CORIN: variants seen among roughly 807,000 people sequenced by gnomAD.
CORIN encodes the protein corin, serine peptidase.
Under a neutral mutation model 125.3 loss-of-function variants are expected in CORIN, and 117 were observed. That is an observed-to-expected ratio of 0.93 (90% CI 0.80 to 1.09). The LOEUF (loss-of-function observed/expected upper bound fraction) is 1.09. Ranked by LOEUF, CORIN falls within the 50% of genes least tolerant of loss-of-function variation. CORIN has a pLI of 0.00. For synonymous variants in CORIN, 450 were observed against 466.4 expected (o/e 0.96, Z 0.45); for missense variants, 1,253 against 1,306.7 (o/e 0.96, Z 0.63).
intron 1 of CORIN, 46 bp downstream of exon 1, chr4:47,837,841 G>A: frequency 2.0e-6 from 3 of 1,525,704 alleles, no homozygotes; most frequent in Non-Finnish European, 2.7e-6. Context: ...GGGACTAAGA[G>A]GCCATCACAC....
rs1397882030 is a variant in CORIN at position 47,706,808 on chromosome 4, C to T, written c.800-13725G>A. The T allele has an allele frequency of 3.4e-5, 54 of 1,598,042 alleles. No homozygotes were observed. The East Asian group carries it at 1.1e-3, about 34-fold the overall frequency. On this transcript the variant is annotated intron_variant, in intron 5 of 21. Transcript: ENST00000273857. ...ATTCCATAAAGCTATCAGAAGAAAT[C>T]CTGACACCCCATGGATCACCAAACC...
At position 47,674,373 on chromosome 4, in the gene CORIN, T is replaced by G. The variant is rs1368370441; in HGVS notation, c.1357+20A>C. 3.3e-6 allele frequency: 5 copies of G among 1,497,424 alleles called. No individual in the cohort carries two copies. The highest frequency in any genetic ancestry group is 4.7e-6 in the Non-Finnish European group (5 of 1,073,988). 92.8% of individuals were successfully genotyped at this position (1,497,424 alleles called of 1,614,324 possible). On this transcript the variant is annotated intron_variant, in intron 10 of 21. Transcript: ENST00000273857. The stretch of plus-strand genomic sequence containing the variant: ...GCATGCCCTGACATGGCTATTGCAT[T>G]TGTCAGCTGTTGTACTTACTACAGT...
At chr4:47,834,051 A>G (rs1242105236) in intron 1 of CORIN, among the ~76,000 whole-genome samples, 27 of 152,218 alleles carry the variant, frequency 1.8e-4, no homozygotes, top group Non-Finnish European at 1.0e-4. Context: ...ACCAGCATAC[A>G]GTATAGAACT....
chr4:47,680,243 G>T lies in CORIN; in HGVS notation c.1030C>A (p.Pro344Thr), dbSNP rs181074813. Residue 344 changes from proline (P) to threonine (T), a missense_variant, in exon 8 of 22, where the codon CCC becomes ACC. Transcript: ENST00000273857. ...LSDEQNCDCNPTTEHRCGDGR... is the reference protein window; with the variant it reads ...LSDEQNCDCNTTTEHRCGDGR... ...TCCCCGCAGCGATGCTCTGTTGTGG[G>T]ATTGCAATCTGGAGAAATGAAAACT... is the stretch of plus-strand genomic sequence containing the variant. 619 of 1,613,304 alleles carry T rather than the reference G, an allele frequency of 3.8e-4. No homozygotes were observed. The highest frequency in any genetic ancestry group is 4.7e-4 in the Non-Finnish European group (560 of 1,179,398).
At chr4:47,765,208 G>T (rs1383694025) in intron 3 of CORIN, among the ~76,000 whole-genome samples, 1 of 151,932 alleles carries the variant, frequency 6.6e-6, no homozygotes, top group Admixed American at 6.6e-5. Context: ...GGTGGCGGGA[G>T]GCTGAGGCAG....
intron 16 of CORIN, among the ~76,000 whole-genome samples, chr4:47,628,918 T>TGC (rs1343924666): frequency 3.9e-5 from 6 of 152,172 alleles, no homozygotes; most frequent in African/African-American, 1.4e-4. Flanking sequence ...AAATGTGGCA[T>TGC]CACATTTTCT....
intron 5 of CORIN, among the ~76,000 whole-genome samples, chr4:47,703,249 G>T (rs777010425): frequency 6.6e-6 from 1 of 152,032 alleles, no homozygotes; most frequent in African/African-American, 2.4e-5. Flanking sequence ...TGCAGCAGCC[G>T]GTAGTGACAG....
At chr4:47,670,709 G>A (rs927838908) in intron 10 of CORIN, among the ~76,000 whole-genome samples, 5 of 152,140 alleles carry the variant, frequency 3.3e-5, no homozygotes, top group African/African-American at 4.8e-5. Context: ...CCCAGGAGTC[G>A]CTTTTGCAGG....
intron 20 of CORIN, 38 bp from the exon 21 acceptor site, chr4:47,600,385 A>G (rs780456088): frequency 2.2e-5 from 33 of 1,494,054 alleles, no homozygotes; most frequent in Non-Finnish European, 2.8e-5. Context: ...ATATGATGAT[A>G]AAATGACTCA....
At chr4:47,758,150 G>A (rs1729275824) in intron 4 of CORIN, among the ~76,000 whole-genome samples, 3 of 151,706 alleles carry the variant, frequency 2.0e-5, no homozygotes, top group African/African-American at 7.3e-5. Context: ...TCCTGACCTC[G>A]TGATCTGCTC....
chr4:47,692,188 TTATA>T (rs1725803536), intron 6 of CORIN, among the ~76,000 whole-genome samples: 2 of 152,232 alleles, frequency 1.3e-5, no homozygotes, highest in Non-Finnish European at 2.9e-5. Flanking sequence ...CTGTGGCTGT[TTATA>T]TAACCCTTAA....
Position 47,807,024 on chromosome 4 carries a change from G to A in CORIN, c.87C>T (p.Asn29=). The change falls in exon 2 of 22, where the codon AAC becomes AAT. Residue 29 remains asparagine (N), a synonymous_variant. Coordinates refer to ENST00000273857, the MANE Select transcript of CORIN (RefSeq NM_006587.4). ...GCTTCTGAGAGCAGCCATTGCCCAT[G>A]TTATTGTCATCAGCTCTCAAGACCT... ...PKPVLRADDN[N]MGNGCSQKLA... is the part of the protein sequence containing the mutation. 6.2e-7 allele frequency: 1 copy of A among 1,613,490 alleles called. No homozygotes were observed.
chr4:47,697,683 C>A (rs986435725), intron 5 of CORIN, among the ~76,000 whole-genome samples: 6 of 151,904 alleles, frequency 3.9e-5, no homozygotes, highest in Non-Finnish European at 8.8e-5. Flanking sequence ...TGCCACTGTG[C>A]TCCAGCCTAG....
intron 5 of CORIN, among the ~76,000 whole-genome samples, chr4:47,720,210 T>C (rs776557810): frequency 2.6e-5 from 4 of 152,242 alleles, no homozygotes; most frequent in Non-Finnish European, 4.4e-5. Flanking sequence ...GGCTCTTTTA[T>C]TTTTATCACT....
In CORIN at chr4:47,838,018, C is replaced by G; in HGVS notation, c.-69G>C. ...TCGCTTTTCTCTCCTCTACGTGTCC[C>G]CCGGGGAGGCACTACGGATGATTTT... On this transcript the variant is annotated 5_prime_UTR_variant, in exon 1 of 22. Coordinates refer to ENST00000273857, the MANE Select transcript of CORIN (RefSeq NM_006587.4). The G allele has an allele frequency of 3.1e-6, 5 of 1,595,958 alleles. No individual in the cohort carries two copies. In the South Asian group the frequency reaches 3.3e-5, roughly 11 times the overall value.
chr4:47,782,623 T>C (rs1730608385), intron 3 of CORIN, among the ~76,000 whole-genome samples: 1 of 152,110 alleles, frequency 6.6e-6, no homozygotes, highest in African/African-American at 2.4e-5. Flanking sequence ...TGATAATAGT[T>C]TTAAAAAATG....
chr4:47,686,175 TA>T lies in CORIN; in HGVS notation c.914-2338del, dbSNP rs959576901. 1.7e-3 allele frequency among the ~76,000 whole-genome samples: 251 copies of T among 145,294 alleles called. 2 individuals are homozygous for T. The highest frequency in any genetic ancestry group is 5.0e-3 in the African/African-American group (198 of 39,348). ...TTACTGTTTCAAAAAAGCACTCTTC[TA>T]AAAAAAAAACAACTTAAAGTTTTTA... is the stretch of plus-strand genomic sequence containing the variant. On this transcript the variant is annotated intron_variant, in intron 6 of 21. Coordinates refer to ENST00000273857, the MANE Select transcript of CORIN (RefSeq NM_006587.4).
At chr4:47,632,216 C>G (rs1722833252) in intron 16 of CORIN, 2 of 152,308 alleles carry the variant, frequency 1.3e-5, no homozygotes, top group Admixed American at 1.3e-4. Flanking sequence ...AGACATGTAA[C>G]ACACTTCAGT....
At chr4:47,793,204 G>A (rs1361215684) in intron 2 of CORIN, among the ~76,000 whole-genome samples, 1 of 152,076 alleles carries the variant, frequency 6.6e-6, no homozygotes, top group Admixed American at 6.5e-5. Flanking sequence ...TGGTTATATT[G>A]TAGCACATAT....
Sources: gnomAD v4.1 joint callset for allele counts (sites outside exome capture counted in the v4.1 genomes callset) on GRCh38, gnomAD v4.1.1 for gene constraint, MANE v1.5 for transcripts, NCBI Gene and HGNC (gene_info 2026-07-23, HGNC 2026-07-21) for gene names.